OR4K1: variants seen among roughly 807,000 people sequenced by gnomAD.
The protein encoded by OR4K1 is olfactory receptor family 4 subfamily K member 1.
OR4K1 carries 16 observed loss-of-function variants against 14.4 expected under a neutral mutation model. The observed-to-expected ratio is 1.11, with a 90% CI of 0.75 to 1.68. The LOEUF (loss-of-function observed/expected upper bound fraction) is 1.68, where lower values mean the gene tolerates loss of function less well. Ranked by LOEUF, OR4K1 falls within the 40% of genes most tolerant of loss-of-function variation. OR4K1 has a pLI of 0.00. For missense variants in OR4K1, 548 were observed against 376.9 expected, an observed-to-expected ratio of 1.45 and a Z score of -3.76; for synonymous variants, 181 against 133.1, an observed-to-expected ratio of 1.36 and a Z score of -2.48.
intron 1 of OR4K1, among the ~76,000 whole-genome samples, chr14:19,933,860 C>T (rs1882242117): frequency 6.6e-6 from 1 of 152,214 alleles, no homozygotes; most frequent in South Asian, 2.1e-4. Flanking sequence ...GCTGGGATTA[C>T]AGGCATGAGC....
At chr14:19,923,663 T>A in the OR4K1 span, among the ~76,000 whole-genome samples, 1 of 152,200 alleles carries the variant, frequency 6.6e-6, no homozygotes. Flanking sequence ...TATGTACAAA[T>A]TTAAAGATGT....
chr14:19,933,452 C>T (rs538639872), intron 1 of OR4K1, among the ~76,000 whole-genome samples: 2 of 152,280 alleles, frequency 1.3e-5, no homozygotes, highest in Non-Finnish European at 1.5e-5. Flanking sequence ...CCTCGTTTCC[C>T]CTGCTCATGT....
chr14:19,925,380 T>C, the OR4K1 span, among the ~76,000 whole-genome samples: 1 of 152,258 alleles, frequency 6.6e-6, no homozygotes, highest in Non-Finnish European at 1.5e-5. Flanking sequence ...AAAACTACCT[T>C]TTTGGTTCAC....
At chr14:19,920,807 C>T in the OR4K1 span, 5 of 1,614,052 alleles carry the variant, frequency 3.1e-6, no homozygotes, top group African/African-American at 1.3e-5. Flanking sequence ...GAAACCTTTC[C>T]TTTGTTGACA....
chr14:19,936,448 C>T lies in OR4K1; in HGVS notation c.782C>T (p.Pro261Leu). Residue 261 changes from proline (P) to leucine (L), a missense_variant, in exon 2 of 2, where the codon CCT (proline) becomes CTT (leucine). Pro to Leu is a moderately conservative substitution (Grantham distance 98, BLOSUM62 -3). Transcript: ENST00000641172. ...FGPCIYFYIWPFSRLPVDKFL... is the reference protein window; with the variant it reads ...FGPCIYFYIWLFSRLPVDKFL... ...CCTTGCATTTATTTCTATATATGGC[C>T]TTTTAGCAGACTTCCTGTGGACAAA... 2.5e-6 allele frequency: 4 copies of T among 1,614,058 alleles called. No homozygotes were observed. The highest frequency in any genetic ancestry group is 3.4e-6 in the Non-Finnish European group (4 of 1,180,018).
At chr14:19,932,768 G>A (rs1242522614) in intron 1 of OR4K1, among the ~76,000 whole-genome samples, 1 of 152,098 alleles carries the variant, frequency 6.6e-6, no homozygotes. Context: ...TATTTGAATG[G>A]TAGCTACTTT....
upstream of OR4K1, among the ~76,000 whole-genome samples, chr14:19,926,238 C>G (rs1484237649): frequency 3.9e-5 from 6 of 152,226 alleles, no homozygotes; most frequent in Non-Finnish European, 8.8e-5. Context: ...TCGTCTTTGT[C>G]TTGTGATGGA....
the OR4K1 span, chr14:19,921,035 C>T: frequency 1.9e-6 from 3 of 1,614,194 alleles, no homozygotes; most frequent in Middle Eastern, 1.6e-4. Flanking sequence ...CATGCACTGT[C>T]TTGGTAATGA....
chr14:19,921,209 CA>C, the OR4K1 span: 28 of 1,614,030 alleles, frequency 1.7e-5, no homozygotes, highest in Non-Finnish European at 2.2e-5. Flanking sequence ...TAATTGTGGT[CA>C]ATAGTGGAAT....
chr14:19,936,662 T>C lies in OR4K1; in HGVS notation c.*60T>C, dbSNP rs1327770071. 1 of 1,443,930 alleles carries C rather than the reference T, an allele frequency of 6.9e-7. No individual in the cohort carries two copies. The highest frequency in any genetic ancestry group is 9.3e-7 in the Non-Finnish European group (1 of 1,073,280). The allele number at this position is 1,443,930 out of a possible 1,614,324, so 89.4% of individuals were successfully genotyped here. A position where few individuals can be genotyped will look rare whatever the true frequency, so the allele number is the denominator to read the frequency against. ...ATGAAGACCCTCCAGTGTATCATAG[T>C]GTCATGCCAACCATCTTTGCCAGAC... On this transcript the variant is annotated 3_prime_UTR_variant, in exon 2 of 2. Coordinates refer to ENST00000641172, the MANE Select transcript of OR4K1 (RefSeq NM_001004063.3).
At chr14:19,921,388 C>CA in the OR4K1 span, 1 of 1,614,090 alleles carries the variant, frequency 6.2e-7, no homozygotes, top group South Asian at 1.1e-5. Context: ...TATGTGTGGC[C>CA]CTTTACCATC....
At position 19,936,212 on chromosome 14, in the gene OR4K1, C is replaced by T. The variant is rs1882316639; in HGVS notation, c.546C>T (p.Pro182=). ...TGGATAGCTTCTTTTGTGACCTTCC[C>T]TTGGTGATAGAGCTGGCTTGCATGG... ...NEVDSFFCDL[P]LVIELACMDT... is the part of the protein sequence containing the mutation. Residue 182 remains proline, a synonymous_variant, in exon 2 of 2, where the codon CCC becomes CCT. Coordinates refer to ENST00000641172, the MANE Select transcript of OR4K1 (RefSeq NM_001004063.3). The T allele has an allele frequency of 6.2e-7, 1 of 1,614,238 alleles. No homozygotes were observed. The highest frequency in any genetic ancestry group is 8.5e-7 in the Non-Finnish European group (1 of 1,180,040).
chr14:19,921,621 T>C, the OR4K1 span: 2 of 1,532,044 alleles, frequency 1.3e-6, no homozygotes, highest in Admixed American at 2.1e-5. Context: ...CACTGTTTAA[T>C]ATTTTAATGT....
chr14:19,924,400 CAAAAAAAAAAAAAAAA>C, the OR4K1 span, among the ~76,000 whole-genome samples: 1 of 79,252 alleles, frequency 1.3e-5, no homozygotes, highest in Non-Finnish European at 2.3e-5. Flanking sequence ...AACTCCGTAT[CAAAAAAAAAAAAAAAA>C]AAAAAAAAAA....
chr14:19,924,400 C>CAAACAAAAA, the OR4K1 span, among the ~76,000 whole-genome samples: 1 of 79,252 alleles, frequency 1.3e-5, no homozygotes, highest in Non-Finnish European at 2.3e-5. Context: ...AACTCCGTAT[C>CAAACAAAAA]AAAAAAAAAA....
In OR4K1 at chr14:19,936,589, C is replaced by G; in HGVS notation, c.923C>G (p.Ser308Cys). ...MWKLRNRHVN[S>C]WKN ...AAGCTGAGAAACCGTCATGTGAACT[C>G]CTGGAAAAACTAGGGATCATTACGA... Residue 308 changes from serine to cysteine, a missense_variant, in exon 2 of 2, where the codon TCC (serine) becomes TGC (cysteine). Physicochemically the swap from Ser to Cys is moderately radical, Grantham distance 112 (BLOSUM62 -1). Transcript: ENST00000641172. 6.3e-7 allele frequency: 1 copy of G among 1,599,724 alleles called. No homozygotes were observed. The highest frequency in any genetic ancestry group is 1.7e-4 in the Middle Eastern group (1 of 5,958).
At chr14:19,929,357 CTCTGTGTGTGTG>C (rs1882132504), upstream of OR4K1, among the ~76,000 whole-genome samples, 5 of 119,122 alleles carry the variant, frequency 4.2e-5, no homozygotes, top group South Asian at 1.4e-3. Flanking sequence ...ACATATCACA[CTCTGTGTGTGTG>C]TGTGTGTGTG....
In OR4K1 at chr14:19,935,790, A is replaced by G. The variant is rs762955156; in HGVS notation, c.124A>G (p.Asn42Asp). The G allele has an allele frequency of 6.2e-7, 1 of 1,614,016 alleles. No homozygotes were observed. The highest frequency in any genetic ancestry group is 2.2e-5 in the East Asian group (1 of 44,896). ...AGTCTATGTGACATCAGTGCTAGGCAATGTCTTAATTATTGTCATTATTTC... is the reference window on the plus strand; with the variant it reads ...AGTCTATGTGACATCAGTGCTAGGCGATGTCTTAATTATTGTCATTATTTC... ...SIVYVTSVLG[N>D]VLIIVIISFD... Residue 42 changes from asparagine (N) to aspartate (D), a missense_variant, in exon 2 of 2, where the codon AAT becomes GAT. Transcript: ENST00000641172.
chr14:19,925,020 T>G, the OR4K1 span, among the ~76,000 whole-genome samples: 1 of 152,326 alleles, frequency 6.6e-6, no homozygotes, highest in African/African-American at 2.4e-5. Context: ...ATCAACTTTT[T>G]AATACACACA....
Sources: allele counts gnomAD v4.1 joint callset (sites outside exome capture counted in the v4.1 genomes callset), GRCh38; gene constraint gnomAD v4.1.1; transcripts MANE v1.5; gene names NCBI Gene and HGNC (gene_info 2026-07-23, HGNC 2026-07-21).